Variants in CDK19 observed in about 807,000 individuals in gnomAD.
CDK19 encodes the protein cyclin dependent kinase 19, also known as cyclin-dependent kinase 19.
CDK19 carries 20 observed loss-of-function variants against 68.3 expected under a neutral mutation model. The observed-to-expected ratio is 0.29, with a 90% CI of 0.21 to 0.43. The LOEUF is 0.43. Ranked by LOEUF, CDK19 falls within the 20% of genes least tolerant of loss-of-function variation. CDK19 has a pLI of 1.00. For synonymous variants in CDK19, 221 were observed against 222.8 expected, an observed-to-expected ratio of 0.99 and a Z score of 0.07; for missense variants, 339 against 623.5, an observed-to-expected ratio of 0.54 and a Z score of 4.86.
chr6:110,681,085 G>A (rs893755317), intron 2 of CDK19, among the ~76,000 whole-genome samples: 2 of 151,988 alleles, frequency 1.3e-5, no homozygotes, highest in Admixed American at 6.6e-5. Context: ...CACCTGTAAT[G>A]CCAGCAGTCT....
Position 110,785,065 on chromosome 6 carries a change from C to G in CDK19, c.128+29944G>C, listed in dbSNP as rs1355556321. On this transcript the variant is annotated intron_variant, in intron 1 of 12. Transcript: ENST00000368911. ...AATCCTGTGCATATGCTAAAAACCA[C>G]TGAATTGTCAAAAAAAAAAAAAAAA... is the stretch of plus-strand genomic sequence containing the variant. 4.0e-5 allele frequency among the ~76,000 whole-genome samples: 5 copies of G among 124,682 alleles called. No homozygotes were observed. The East Asian group carries it at 1.3e-3, about 33-fold the overall frequency. The allele number at this position is 124,682 out of a possible 152,430, so 81.8% of individuals were successfully genotyped here.
At chr6:110,688,108 G>A (rs142257223) in intron 2 of CDK19, among the ~76,000 whole-genome samples, 2,707 of 152,072 alleles carry the variant, frequency 0.018, 49 homozygotes, top group Non-Finnish European at 0.025. Context: ...AGGGAAGGCC[G>A]GGCATGGTGG....
chr6:110,710,060 A>T (rs547711656), intron 2 of CDK19, among the ~76,000 whole-genome samples: 1 of 152,332 alleles, frequency 6.6e-6, no homozygotes, highest in East Asian at 1.9e-4. Flanking sequence ...TACAGAATTG[A>T]AAGTATGGTA....
At chr6:110,693,437 T>G (rs2114594385) in intron 2 of CDK19, among the ~76,000 whole-genome samples, 1 of 152,276 alleles carries the variant, frequency 6.6e-6, no homozygotes, top group Admixed American at 6.5e-5. Flanking sequence ...GCACTCCCGG[T>G]CTCCGGCAGG....
At chr6:110,749,023 T>C (rs1253832062) in intron 1 of CDK19, among the ~76,000 whole-genome samples, 1 of 152,216 alleles carries the variant, frequency 6.6e-6, no homozygotes, top group South Asian at 2.1e-4. Flanking sequence ...AACATAAAGA[T>C]AGACAAAGCA....
At chr6:110,643,374 T>C (rs1043786059) in intron 4 of CDK19, 4 of 354,886 alleles carry the variant, frequency 1.1e-5, no homozygotes, top group African/African-American at 8.7e-5. Flanking sequence ...TAACATCAGA[T>C]AAAATAGCTT....
At chr6:110,755,559 AG>A (rs1778780483) in intron 1 of CDK19, among the ~76,000 whole-genome samples, 1 of 152,206 alleles carries the variant, frequency 6.6e-6, no homozygotes, top group Non-Finnish European at 1.5e-5. Context: ...AAAGGAGGAA[AG>A]GACAGGGCCT....
intron 1 of CDK19, among the ~76,000 whole-genome samples, chr6:110,810,706 G>A (rs1318144720): frequency 6.6e-5 from 10 of 151,762 alleles, no homozygotes; most frequent in Admixed American, 3.3e-4. Context: ...CCCAAGAGGC[G>A]GAGGTTGCAG....
At chr6:110,717,325 C>T (rs1009308282) in intron 2 of CDK19, among the ~76,000 whole-genome samples, 50 of 151,804 alleles carry the variant, frequency 3.3e-4, no homozygotes, top group South Asian at 1.7e-3. Flanking sequence ...CTCAAAATAC[C>T]ACTTTAAATC....
chr6:110,801,612 C>A (rs1782353221), intron 1 of CDK19, among the ~76,000 whole-genome samples: 1 of 152,058 alleles, frequency 6.6e-6, no homozygotes, highest in Admixed American at 6.5e-5. Flanking sequence ...CCCAGGTTCA[C>A]ACCATTCTCC....
At chr6:110,742,549 C>T (rs1414262715) in intron 2 of CDK19, among the ~76,000 whole-genome samples, 1 of 152,140 alleles carries the variant, frequency 6.6e-6, no homozygotes, top group Non-Finnish European at 1.5e-5. Context: ...TTGCAGAGAG[C>T]CTATAAACGG....
At chr6:110,673,031 C>T (rs1771152128) in intron 2 of CDK19, among the ~76,000 whole-genome samples, 1 of 152,042 alleles carries the variant, frequency 6.6e-6, no homozygotes, top group Non-Finnish European at 1.5e-5. Flanking sequence ...CAACCATCAT[C>T]ACTGTGTATT....
intron 1 of CDK19, among the ~76,000 whole-genome samples, chr6:110,781,961 T>C (rs965795847): frequency 3.9e-5 from 6 of 152,194 alleles, no homozygotes; most frequent in East Asian, 1.9e-4. Flanking sequence ...CAGAATAAAA[T>C]TGTAAAGATT....
At chr6:110,634,349 T>C (rs916629508) in intron 5 of CDK19, among the ~76,000 whole-genome samples, 1 of 152,104 alleles carries the variant, frequency 6.6e-6, no homozygotes, top group African/African-American at 2.4e-5. Context: ...CTAGAGTAGA[T>C]GGGATTACAG....
chr6:110,729,110 T>C (rs1222836745), intron 2 of CDK19, among the ~76,000 whole-genome samples: 1 of 152,124 alleles, frequency 6.6e-6, no homozygotes, highest in African/African-American at 2.4e-5. Flanking sequence ...ATTATTATTC[T>C]CCCTATTTTT....
intron 1 of CDK19, among the ~76,000 whole-genome samples, chr6:110,776,349 A>T (rs1391466558): frequency 6.6e-6 from 1 of 152,018 alleles, no homozygotes; most frequent in African/African-American, 2.4e-5. Context: ...GAATCGCTTG[A>T]ACCTGGGAGG....
intron 12 of CDK19, among the ~76,000 whole-genome samples, chr6:110,617,824 TCCAG>T (rs1778433681): frequency 9.4e-6 from 1 of 106,038 alleles, no homozygotes; most frequent in Admixed American, 1.5e-4. Context: ...GTCACCGCAC[TCCAG>T]CCTGGGTGAC....
intron 1 of CDK19, among the ~76,000 whole-genome samples, chr6:110,789,248 TTAAG>T (rs1298514047): frequency 6.6e-6 from 1 of 152,148 alleles, no homozygotes; most frequent in African/African-American, 2.4e-5. Context: ...TGTGTGGTCT[TTAAG>T]TGTTTCTGTG....
chr6:110,705,202 G>A (rs934854655), intron 2 of CDK19, among the ~76,000 whole-genome samples: 1 of 152,048 alleles, frequency 6.6e-6, no homozygotes, highest in Non-Finnish European at 1.5e-5. Flanking sequence ...CACCACGCCC[G>A]GCTAATTTTG....
Sources: allele counts gnomAD v4.1 joint callset (sites outside exome capture counted in the v4.1 genomes callset), GRCh38; gene constraint gnomAD v4.1.1; transcripts MANE v1.5; gene names NCBI Gene and HGNC (gene_info 2026-07-23, HGNC 2026-07-21).